The following HAND2 variants were observed in gnomAD, a reference collection of about 807,000 sequenced individuals.
The protein encoded by HAND2 is heart and neural crest derivatives expressed 2.
A neutral mutation model predicts 14.7 loss-of-function variants in HAND2; 2 were observed. The observed-to-expected ratio is 0.14, with a 90% CI of 0.06 to 0.43. The LOEUF (loss-of-function observed/expected upper bound fraction) is 0.43, where lower values mean the gene tolerates loss of function less well. Among genes scored for constraint, HAND2 ranks in the 20% least tolerant of loss-of-function variants. HAND2 has a pLI of 0.99. For missense variants in HAND2, 275 were observed against 313.6 expected (o/e 0.88, Z 0.93); for synonymous variants, 162 against 135.9 (o/e 1.19, Z -1.34).
At position 173,527,380 on chromosome 4, in the gene HAND2, A is replaced by G; in HGVS notation, c.556-5T>C. On this transcript the variant is annotated splice_region_variant and splice_polypyrimidine_tract_variant and intron_variant, in intron 1 of 1. Coordinates refer to ENST00000359562, the MANE Select transcript of HAND2 (RefSeq NM_021973.3). ...TGTGCTTTTCAAGATTTCGTTCTGG[A>G]CAGAGGAAAGGCGAGGGCGAGAAAA... 1 of 1,606,700 alleles carries G rather than the reference A, an allele frequency of 6.2e-7. No individual in the cohort carries two copies. Among genetic ancestry groups the G allele is most frequent in the South Asian group, 1.1e-5 (1 of 90,956 alleles).
chr4:173,526,108 C>T lies in HAND2; in HGVS notation c.*1169G>A, dbSNP rs965767636. 1 of 151,720 alleles carries T rather than the reference C, an allele frequency of 6.6e-6. No homozygotes were observed. Among genetic ancestry groups the T allele is most frequent in the Non-Finnish European group, 1.5e-5 (1 of 67,950 alleles). 9.4% of individuals were successfully genotyped at this position (151,720 alleles called of 1,614,324 possible). A position where few individuals can be genotyped will look rare whatever the true frequency, so the allele number is the denominator to read the frequency against. On this transcript the variant is annotated 3_prime_UTR_variant, in exon 2 of 2. Transcript: ENST00000359562. Reference sequence around the variant, plus strand: ...TTTTTTTTTTCTTGGATGAAAGCCCCATAGTTTGAATTAAACACCCCAGAC... The same window carrying T: ...TTTTTTTTTTCTTGGATGAAAGCCCTATAGTTTGAATTAAACACCCCAGAC...
In HAND2 at chr4:173,527,272, C is replaced by T. The variant is rs760105729; in HGVS notation, c.*5G>A. On this transcript the variant is annotated 3_prime_UTR_variant, in exon 2 of 2. Coordinates refer to ENST00000359562, the MANE Select transcript of HAND2 (RefSeq NM_021973.3). Reference sequence around the variant, plus strand: ...GCGCTCTCCTCCTCCTCCTTCTCCTCCTCCTCACTGCTTGAGCTCCAGGGC... The same window carrying T: ...GCGCTCTCCTCCTCCTCCTTCTCCTTCTCCTCACTGCTTGAGCTCCAGGGC... The T allele has an allele frequency of 1.2e-5, 19 of 1,605,156 alleles. 1 individual carries two copies. The South Asian group carries it at 2.0e-4, about 17-fold the overall frequency.
rs765337838 is a variant in HAND2, at chr4:173,528,987, T to G, written c.303A>C (p.Arg101=). ...GCCGCTCCTTGCGGTTGGCGGTGCC[T>G]CGGCGCTTCACCGGGCGCGGCCCCC... ...GLGGPRPVKR[R]GTANRKERRR... The change falls in exon 1 of 2, where the codon CGA becomes CGC. Residue 101 remains arginine (R), a synonymous_variant. Transcript: ENST00000359562. This position sits in a 1 kb window ranked among gnomAD's most constrained non-coding sequence, Gnocchi z 5.6. 6.0e-5 allele frequency: 96 copies of G among 1,611,774 alleles called. No homozygotes were observed. The highest frequency in any genetic ancestry group is 7.6e-5 in the Non-Finnish European group (90 of 1,179,062).
chr4:173,527,167 C>T lies in HAND2; in HGVS notation c.*110G>A. On this transcript the variant is annotated 3_prime_UTR_variant, in exon 2 of 2. Coordinates refer to ENST00000359562, the MANE Select transcript of HAND2 (RefSeq NM_021973.3). ...TAAATAAACCGGATGATTCCAAATG[C>T]AAGGAGTCCTCAGAGCGGAGCGCGG... 2.6e-6 allele frequency: 2 copies of T among 770,840 alleles called. No individual in the cohort carries two copies. The highest frequency in any genetic ancestry group is 1.8e-5 in the Admixed American group (1 of 55,148). 47.8% of individuals were successfully genotyped at this position (770,840 alleles called of 1,614,324 possible).
intron 1 of HAND2, chr4:173,527,590 C>T: frequency 3.4e-6 from 2 of 587,556 alleles, no homozygotes; most frequent in South Asian, 2.0e-5. Context: ...GCTCAACAAC[C>T]GGATCCACAA....
chr4:173,529,021 G>A lies in HAND2; in HGVS notation c.269C>T (p.Pro90Leu), dbSNP rs766470524. The change falls in exon 1 of 2, where the codon CCG (proline) becomes CTG (leucine). Residue 90 changes from proline to leucine, a missense_variant. Around this residue, in one of 4 missense-constraint regions of HAND2, gnomAD observed 175 missense variants for 157.1 expected, o/e 1.11. Coordinates refer to ENST00000359562, the MANE Select transcript of HAND2 (RefSeq NM_021973.3). ...CACCGGGCGCGGCCCCCCCAGGCCC[G>A]GGGGCCCGGCGCCCGGCGGCACCCC... Reference protein sequence around the residue: ...YGGVPPGAGPPGLGGPRPVKR... With the variant: ...YGGVPPGAGPLGLGGPRPVKR... 7.7e-6 allele frequency: 12 copies of A among 1,550,630 alleles called. No individual in the cohort carries two copies. Among genetic ancestry groups the A allele is most frequent in the African/African-American group, 4.2e-5 (3 of 70,872 alleles).
chr4:173,527,331 G>A lies in HAND2; in HGVS notation c.600C>T (p.Thr200=). The A allele has an allele frequency of 1.2e-6, 2 of 1,613,738 alleles. No homozygotes were observed. Among genetic ancestry groups the A allele is most frequent in the Non-Finnish European group, 1.7e-6 (2 of 1,179,874 alleles). The part of the protein sequence containing the change: ...KSTVSSNDKK[T]KGRTGWPQHV... ...GCTGCGGCCAGCCCGTCCGGCCTTTGGTTTTCTTGTCGTTGCTGCTCACTG... is the reference window on the plus strand; with the variant it reads ...GCTGCGGCCAGCCCGTCCGGCCTTTAGTTTTCTTGTCGTTGCTGCTCACTG... The change falls in exon 2 of 2, where the codon ACC becomes ACT. Residue 200 remains threonine, a synonymous_variant. Transcript: ENST00000359562.
At chr4:173,527,473 A>T in intron 1 of HAND2, 98 bp from the exon 2 acceptor site, 1 of 830,486 alleles carries the variant, frequency 1.2e-6, no homozygotes, top group Non-Finnish European at 2.1e-6. Context: ...GCCGGAGGAG[A>T]CAGTGAACCA....
chr4:173,528,642 G>C lies in HAND2; in HGVS notation c.555+93C>G. ...GAAGCGGGACGCAGCCAAAGAACAC[G>C]AGATGCCATTTCTCAGCCCAATTGG... On this transcript the variant is annotated intron_variant, in intron 1 of 1. Transcript: ENST00000359562. This position sits in a 1 kb window ranked among gnomAD's most constrained non-coding sequence, Gnocchi z 5.6. 1.3e-5 allele frequency: 19 copies of C among 1,447,154 alleles called. No individual in the cohort carries two copies. Among genetic ancestry groups the C allele is most frequent in the Non-Finnish European group, 1.8e-5 (19 of 1,061,734 alleles). The allele number at this position is 1,447,154 out of a possible 1,614,324, so 89.6% of individuals were successfully genotyped here.
chr4:173,527,760 G>A (rs1279639447), intron 1 of HAND2: 2 of 221,444 alleles, frequency 9.0e-6, no homozygotes. Flanking sequence ...TAGGGCGAAG[G>A]AGCCTCTGTT....
rs536440491 is a variant in HAND2, at chr4:173,528,720, C to T, written c.555+15G>A. The T allele has an allele frequency of 6.2e-7, 1 of 1,608,490 alleles. No individual in the cohort carries two copies. The highest frequency in any genetic ancestry group is 1.7e-4 in the Middle Eastern group (1 of 6,052). ...ACCCCCTCAGCCCCACCGCCTGCCG[C>T]CCCCTGGTACTGACCAGCTCCTTCT... On this transcript the variant is annotated intron_variant, in intron 1 of 1. Transcript: ENST00000359562. The surrounding 1 kb of genome is among the most constrained non-coding windows in gnomAD (Gnocchi z 5.6).
rs1008707404 is a variant in HAND2, at chr4:173,528,597, A to G, written c.555+138T>C. On this transcript the variant is annotated intron_variant, in intron 1 of 1. Transcript: ENST00000359562. The surrounding 1 kb of genome is among the most constrained non-coding windows in gnomAD (Gnocchi z 5.6). ...CTTATGCCGGAAGCCATCCTTACAC[A>G]ACCTGGTGCAAACAACCTTGAAGCG... 2.4e-5 allele frequency: 25 copies of G among 1,060,062 alleles called. No individual in the cohort carries two copies. Among genetic ancestry groups the G allele is most frequent in the Non-Finnish European group, 3.3e-5 (24 of 722,048 alleles). The allele number at this position is 1,060,062 out of a possible 1,614,324, so 65.7% of individuals were successfully genotyped here.
In HAND2 at chr4:173,528,603, G is replaced by A. The variant is rs1731582647; in HGVS notation, c.555+132C>T. 1 of 1,133,314 alleles carries A rather than the reference G, an allele frequency of 8.8e-7. No individual in the cohort carries two copies. The highest frequency in any genetic ancestry group is 1.3e-6 in the Non-Finnish European group (1 of 785,808). The allele number at this position is 1,133,314 out of a possible 1,614,324, so 70.2% of individuals were successfully genotyped here. On this transcript the variant is annotated intron_variant, in intron 1 of 1. Transcript: ENST00000359562. This position sits in a 1 kb window ranked among gnomAD's most constrained non-coding sequence, Gnocchi z 5.6. ...CCGGAAGCCATCCTTACACAACCTGGTGCAAACAACCTTGAAGCGGGACGC... is the reference window on the plus strand; with the variant it reads ...CCGGAAGCCATCCTTACACAACCTGATGCAAACAACCTTGAAGCGGGACGC...
At chr4:173,527,449 C>A (rs1022677107) in intron 1 of HAND2, 74 bp from the exon 2 acceptor site, 4 of 981,566 alleles carry the variant, frequency 4.1e-6, no homozygotes, top group African/African-American at 3.2e-5. Context: ...CCACACCAAC[C>A]CGGAGCTTCC....
intron 1 of HAND2, chr4:173,527,608 A>C: frequency 1.8e-6 from 1 of 555,940 alleles, no homozygotes; most frequent in Non-Finnish European, 3.2e-6. Context: ...CAAGTTTATA[A>C]ACAACCGCCC....
At position 173,529,249 on chromosome 4, in the gene HAND2, T is replaced by G; in HGVS notation, c.41A>C (p.His14Pro). 7.2e-7 allele frequency: 1 copy of G among 1,392,206 alleles called. No individual in the cohort carries two copies. Among genetic ancestry groups the G allele is most frequent in the South Asian group, 1.8e-5 (1 of 57,074 alleles). 86.2% of individuals were successfully genotyped at this position (1,392,206 alleles called of 1,614,324 possible). Reference protein sequence around the residue: ...VGGFPHHPVVHHEGYPFAAAA... With the variant: ...VGGFPHHPVVPHEGYPFAAAA... ...GGCGGCAAACGGGTAGCCCTCGTGGTGCACCACCGGGTGGTGGGGAAAACC... is the reference window on the plus strand; with the variant it reads ...GGCGGCAAACGGGTAGCCCTCGTGGGGCACCACCGGGTGGTGGGGAAAACC... Residue 14 changes from histidine (H) to proline (P), a missense_variant, in exon 1 of 2, where the codon CAC (histidine) becomes CCC (proline). This residue lies in a region of HAND2 where 175 missense variants were observed against 157.1 expected (regional missense o/e 1.11). Coordinates refer to ENST00000359562, the MANE Select transcript of HAND2 (RefSeq NM_021973.3).
In HAND2 at chr4:173,529,015, A is replaced by C. The variant is rs769848533; in HGVS notation, c.275T>G (p.Leu92Arg). The C allele has an allele frequency of 2.7e-5, 43 of 1,578,250 alleles. No homozygotes were observed. In the South Asian group the frequency reaches 4.6e-4, roughly 17 times the overall value. ...GVPPGAGPPG[L>R]GGPRPVKRRG... Reference sequence around the variant, plus strand: ...GCGCTTCACCGGGCGCGGCCCCCCCAGGCCCGGGGGCCCGGCGCCCGGCGG... The same window carrying C: ...GCGCTTCACCGGGCGCGGCCCCCCCCGGCCCGGGGGCCCGGCGCCCGGCGG... Residue 92 changes from leucine to arginine, a missense_variant, in exon 1 of 2, where the codon CTG (leucine) becomes CGG (arginine). Leu to Arg is a moderately radical substitution (Grantham distance 102, BLOSUM62 -2). Transcript: ENST00000359562.
At position 173,529,164 on chromosome 4, in the gene HAND2, G is replaced by A. The variant is rs750034908; in HGVS notation, c.126C>T (p.Tyr42=). The A allele has an allele frequency of 1.5e-5, 22 of 1,475,892 alleles. No homozygotes were observed. The highest frequency in any genetic ancestry group is 2.0e-5 in the Non-Finnish European group (22 of 1,124,086). 91.4% of individuals were successfully genotyped at this position (1,475,892 alleles called of 1,614,324 possible). A position where few individuals can be genotyped will look rare whatever the true frequency, so the allele number is the denominator to read the frequency against. Residue 42 remains tyrosine, a synonymous_variant, in exon 1 of 2, where the codon TAC becomes TAT. Coordinates refer to ENST00000359562, the MANE Select transcript of HAND2 (RefSeq NM_021973.3). ...GGTGGCCGATGAGCCAGCCATGGAA[G>A]TAGGGGTTCTCCTCATGGCTGCAGC... is the stretch of plus-strand genomic sequence containing the variant. ...ASRCSHEENP[Y]FHGWLIGHPE...
At position 173,529,216 on chromosome 4, in the gene HAND2, G is replaced by T; in HGVS notation, c.74C>A (p.Ala25Asp). The change falls in exon 1 of 2, where the codon GCC (alanine) becomes GAC (aspartate). Residue 25 changes from alanine to aspartate, a missense_variant. This residue lies in a region of HAND2 where 175 missense variants were observed against 157.1 expected (regional missense o/e 1.11). Transcript: ENST00000359562. ...HEGYPFAAAAAAAAAAAASRC... is the reference protein window; with the variant it reads ...HEGYPFAAAADAAAAAAASRC... ...GCTGGCGGCGGCGGCGGCAGCTGCGGCGGCGGCGGCGGCAAACGGGTAGCC... is the reference window on the plus strand; with the variant it reads ...GCTGGCGGCGGCGGCGGCAGCTGCGTCGGCGGCGGCGGCAAACGGGTAGCC... 1.2e-5 allele frequency: 17 copies of T among 1,420,430 alleles called. No individual in the cohort carries two copies. The highest frequency in any genetic ancestry group is 1.6e-5 in the Non-Finnish European group (17 of 1,093,006). The allele number at this position is 1,420,430 out of a possible 1,614,324, so 88.0% of individuals were successfully genotyped here.
Sources: gnomAD v4.1 joint callset for allele counts on GRCh38, gnomAD v4.1.1 for gene constraint, gnomAD v4.1.1 regional missense constraint, Gnocchi (gnomAD v3.1) non-coding constraint, MANE v1.5 for transcripts, NCBI Gene and HGNC (gene_info 2026-07-23, HGNC 2026-07-21) for gene names.